Variants in ADAMTS20 observed in about 807,000 individuals in gnomAD.
The protein encoded by ADAMTS20 is ADAM metallopeptidase with thrombospondin type 1 motif 20, also known as A disintegrin and metalloproteinase with thrombospondin motifs 20.
ADAMTS20 carries 225 observed loss-of-function variants against 260.1 expected under a neutral mutation model. The ratio of observed to expected loss-of-function variants is 0.87; its 90% CI spans 0.78 to 0.97. The LOEUF (loss-of-function observed/expected upper bound fraction) is 0.97, where lower values mean the gene tolerates loss of function less well. Among genes scored for constraint, ADAMTS20 ranks in the 50% least tolerant of loss-of-function variants. ADAMTS20 has a pLI of 0.00. For missense variants in ADAMTS20, 2,400 were observed against 2,337.7 expected (o/e 1.03, Z -0.55); for synonymous variants, 802 against 769.5 (o/e 1.04, Z -0.70).
At chr12:43,396,205 G>A (rs879772800) in intron 29 of ADAMTS20, among the ~76,000 whole-genome samples, 7 of 151,422 alleles carry the variant, frequency 4.6e-5, no homozygotes, top group Admixed American at 6.6e-5. Context: ...AAATCCTTTC[G>A]TTAAAAAAAA....
intron 7 of ADAMTS20, among the ~76,000 whole-genome samples, chr12:43,469,933 GCT>G (rs1942222530): frequency 6.6e-6 from 1 of 152,142 alleles, no homozygotes; most frequent in Admixed American, 6.5e-5. Flanking sequence ...GGAAAGATTT[GCT>G]CTCTTTCTGA....
At chr12:43,455,074 G>A (rs569010451) in intron 11 of ADAMTS20, among the ~76,000 whole-genome samples, 1 of 152,056 alleles carries the variant, frequency 6.6e-6, no homozygotes, top group East Asian at 1.9e-4. Flanking sequence ...GCTACCTCCT[G>A]GTAACCACCA....
intron 28 of ADAMTS20, 113 bp downstream of exon 28, chr12:43,425,401 A>T: frequency 1.0e-6 from 1 of 963,230 alleles, no homozygotes. Flanking sequence ...CATCTTGCAC[A>T]TGTACCCCTG....
At chr12:43,531,068 A>G (rs78576099) in intron 3 of ADAMTS20, among the ~76,000 whole-genome samples, 2,701 of 152,028 alleles carry the variant, frequency 0.018, 89 homozygotes, top group African/African-American at 0.062. Flanking sequence ...AAAACTGCAA[A>G]CAGCCCAAAA....
At chr12:43,511,697 T>G (rs1373873335) in intron 3 of ADAMTS20, among the ~76,000 whole-genome samples, 1 of 152,174 alleles carries the variant, frequency 6.6e-6, no homozygotes. Flanking sequence ...TTGATTTGCC[T>G]AAAATTAAGT....
rs1820976162 is a variant in ADAMTS20, at chr12:43,551,327, T to C, written c.92-57A>G. ...CCACGCGTTCCTCATTGTCCAACTCTAAACTTCTTCCACCAAACGTCCCCG... is the reference window on the plus strand; with the variant it reads ...CCACGCGTTCCTCATTGTCCAACTCCAAACTTCTTCCACCAAACGTCCCCG... On this transcript the variant is annotated intron_variant, in intron 1 of 38. Coordinates refer to ENST00000389420, the MANE Select transcript of ADAMTS20 (RefSeq NM_025003.5). The surrounding 1 kb of genome is among the most constrained non-coding windows in gnomAD (Gnocchi z 4.6). The C allele has an allele frequency of 7.7e-6, 12 of 1,557,784 alleles. No individual in the cohort carries two copies. The highest frequency in any genetic ancestry group is 1.0e-5 in the Non-Finnish European group (12 of 1,151,370).
intron 37 of ADAMTS20, among the ~76,000 whole-genome samples, chr12:43,356,820 A>G (rs1160256702): frequency 3.3e-5 from 5 of 152,182 alleles, no homozygotes; most frequent in African/African-American, 1.2e-4. Flanking sequence ...CATTTGCTGC[A>G]CTTTAACATT....
At chr12:43,426,945 G>A (rs573365482) in intron 27 of ADAMTS20, among the ~76,000 whole-genome samples, 90 of 152,248 alleles carry the variant, frequency 5.9e-4, no homozygotes, top group Admixed American at 2.2e-3. Context: ...AATTAGTCGG[G>A]AGAATCACTT....
At position 43,428,395 on chromosome 12, in the gene ADAMTS20, G is replaced by A. The variant is rs1260724768; in HGVS notation, c.3791C>T (p.Pro1264Leu). Residue 1264 changes from proline to leucine, a missense_variant, in exon 26 of 39, where the codon CCT becomes CTT. Physicochemically the swap from Pro to Leu is moderately conservative, Grantham distance 98. Transcript: ENST00000389420. ...ACTAGGAAAGTGGCTGTGTGCAGGA[G>A]GGCAGGCTGCCAGGCTACATTCCTG... is the stretch of plus-strand genomic sequence containing the variant. ...MEQECSLAAC[P>L]PAHSHFPSSP... 1.2e-6 allele frequency: 2 copies of A among 1,613,878 alleles called. No homozygotes were observed. Among genetic ancestry groups the A allele is most frequent in the South Asian group, 1.1e-5 (1 of 91,074 alleles).
chr12:43,447,153 T>C lies in ADAMTS20; in HGVS notation c.2080-441A>G, dbSNP rs1592073640. ...AACTCCTTCTATGAGGTCAGCATCA[T>C]CCTGATACCAAAACCTGGCAGAGAC... On this transcript the variant is annotated intron_variant, in intron 14 of 38. Coordinates refer to ENST00000389420, the MANE Select transcript of ADAMTS20 (RefSeq NM_025003.5). Among the ~76,000 whole-genome samples the C allele has an allele frequency of 2.0e-5, 3 of 151,058 alleles. No individual in the cohort carries two copies. The South Asian group carries it at 6.3e-4, about 32-fold the overall frequency.
chr12:43,506,685 G>C (rs1250039897), intron 3 of ADAMTS20, among the ~76,000 whole-genome samples: 1 of 151,578 alleles, frequency 6.6e-6, no homozygotes, highest in Non-Finnish European at 1.5e-5. Context: ...TCACCATGTT[G>C]GTCAGGCTGG....
intron 3 of ADAMTS20, among the ~76,000 whole-genome samples, chr12:43,512,819 G>A (rs992727527): frequency 6.6e-6 from 1 of 152,146 alleles, no homozygotes; most frequent in Non-Finnish European, 1.5e-5. Context: ...AAATGGCATA[G>A]CAAATATATG....
intron 27 of ADAMTS20, among the ~76,000 whole-genome samples, chr12:43,426,415 T>C (rs1335096260): frequency 6.6e-6 from 1 of 152,214 alleles, no homozygotes; most frequent in Non-Finnish European, 1.5e-5. Context: ...TTTAAAAACA[T>C]GGTTTCAAAC....
intron 12 of ADAMTS20, 95 bp downstream of exon 12, chr12:43,453,812 G>A (rs575571356): frequency 1.2e-5 from 17 of 1,397,638 alleles, no homozygotes; most frequent in Middle Eastern, 1.9e-4. Flanking sequence ...AGAAACTTAC[G>A]GACTGACCTC....
Position 43,452,532 on chromosome 12 carries a change from G to A in ADAMTS20, c.1924C>T (p.Leu642Phe), listed in dbSNP as rs1314790335. ...TACTTACTGCCACTGTATCTTGGAA[G>A]CCACCTCACATTAGAGGGAATGCCA... is the stretch of plus-strand genomic sequence containing the variant. ...ISGIPSNVRWLPRYSGIGTKD... is the reference protein window; with the variant it reads ...ISGIPSNVRWFPRYSGIGTKD... The change falls in exon 13 of 39, where the codon CTT (leucine) becomes TTT (phenylalanine). Residue 642 changes from leucine to phenylalanine, a missense_variant. Coordinates refer to ENST00000389420, the MANE Select transcript of ADAMTS20 (RefSeq NM_025003.5). 3 of 1,612,294 alleles carry A rather than the reference G, an allele frequency of 1.9e-6. No individual in the cohort carries two copies. Among genetic ancestry groups the A allele is most frequent in the South Asian group, 1.1e-5 (1 of 90,904 alleles).
intron 4 of ADAMTS20, among the ~76,000 whole-genome samples, chr12:43,498,885 C>A (rs1370478185): frequency 1.3e-5 from 2 of 152,092 alleles, no homozygotes; most frequent in South Asian, 4.1e-4. Flanking sequence ...CTTAAGTTCC[C>A]TTTCACCTTT....
chr12:43,536,209 C>G (rs1943292908), intron 2 of ADAMTS20, among the ~76,000 whole-genome samples: 1 of 152,108 alleles, frequency 6.6e-6, no homozygotes, highest in African/African-American at 2.4e-5. Context: ...GGTTAAGTCA[C>G]TTGTCCAAGG....
chr12:43,403,914 C>A (rs758522510), intron 28 of ADAMTS20, among the ~76,000 whole-genome samples: 92 of 152,042 alleles, frequency 6.1e-4, no homozygotes, highest in Admixed American at 2.6e-4. Context: ...TTGCACATGT[C>A]ATCATATCAT....
At chr12:43,510,399 A>T (rs967967725) in intron 3 of ADAMTS20, among the ~76,000 whole-genome samples, 4 of 152,072 alleles carry the variant, frequency 2.6e-5, no homozygotes, top group East Asian at 1.9e-4. Context: ...TATTATTTTT[A>T]AAAACAGCAT....
Sources: allele counts gnomAD v4.1 joint callset (sites outside exome capture counted in the v4.1 genomes callset), GRCh38; gene constraint gnomAD v4.1.1; non-coding constraint Gnocchi (gnomAD v3.1); transcripts MANE v1.5; gene names NCBI Gene and HGNC (gene_info 2026-07-23, HGNC 2026-07-21).